Variants in CYP4X1 observed in about 807,000 individuals in gnomAD.
CYP4X1 encodes cytochrome P450 family 4 subfamily X member 1, also known as cytochrome P450 4X1.
Under a neutral mutation model 57.9 loss-of-function variants are expected in CYP4X1, and 44 were observed. The observed-to-expected ratio is 0.76, with a 90% CI of 0.60 to 0.98. The LOEUF is 0.98. Among genes scored for constraint, CYP4X1 ranks in the 50% least tolerant of loss-of-function variants. The probability of loss-of-function intolerance (pLI) is 0.00; values close to 1 mark genes in which losing one functional copy is unlikely to be tolerated. For missense variants in CYP4X1, 532 were observed against 623.9 expected, an observed-to-expected ratio of 0.85 and a Z score of 1.57; for synonymous variants, 227 against 228.6, an observed-to-expected ratio of 0.99 and a Z score of 0.06.
chr1:47,054,263 G>C (rs1383243027), downstream of CYP4X1, among the ~76,000 whole-genome samples: 1 of 152,010 alleles, frequency 6.6e-6, no homozygotes, highest in African/African-American at 2.4e-5. Context: ...GCTCTGTTCT[G>C]TTCCATTGAT....
intron 10 of CYP4X1, 43 bp downstream of exon 10, chr1:47,048,672 C>A: frequency 6.5e-7 from 1 of 1,548,782 alleles, no homozygotes; most frequent in Non-Finnish European, 8.7e-7. Context: ...AGAACTAATG[C>A]TGTGCAAGTC....
the CYP4X1 span, among the ~76,000 whole-genome samples, chr1:46,980,739 G>A: frequency 6.6e-6 from 1 of 152,054 alleles, no homozygotes; most frequent in Non-Finnish European, 1.5e-5. Flanking sequence ...ATACTACAAG[G>A]CTACAGTAAA....
At chr1:46,997,438 T>C in the CYP4X1 span, among the ~76,000 whole-genome samples, 1 of 152,220 alleles carries the variant, frequency 6.6e-6, no homozygotes, top group African/African-American at 2.4e-5. Flanking sequence ...GTGTATCCAC[T>C]GTTTAGCTCC....
chr1:46,993,752 C>G, the CYP4X1 span, among the ~76,000 whole-genome samples: 1 of 152,142 alleles, frequency 6.6e-6, no homozygotes, highest in Admixed American at 6.5e-5. Context: ...CTGTTCATAT[C>G]CTTTGCCCAC....
the CYP4X1 span, chr1:46,994,343 A>G: frequency 2.0e-5 from 3 of 152,298 alleles, no homozygotes; most frequent in Non-Finnish European, 2.9e-5. Flanking sequence ...GCCTTGTAGT[A>G]TACTTTATGC....
chr1:46,977,063 T>G, the CYP4X1 span, among the ~76,000 whole-genome samples: 2 of 152,176 alleles, frequency 1.3e-5, no homozygotes, highest in Admixed American at 1.3e-4. Flanking sequence ...AGGGCACCTC[T>G]TCTCCTCCAA....
At chr1:46,965,258 T>A in the CYP4X1 span, among the ~76,000 whole-genome samples, 1 of 152,124 alleles carries the variant, frequency 6.6e-6, no homozygotes, top group African/African-American at 2.4e-5. Flanking sequence ...GCACCTACTT[T>A]CCTGCACCCA....
At chr1:46,961,837 G>A in the CYP4X1 span, 7 of 1,198,006 alleles carry the variant, frequency 5.8e-6, no homozygotes, top group African/African-American at 1.1e-4. Context: ...CTACTTAGTT[G>A]GTTATCCCAT....
chr1:46,967,846 G>C, the CYP4X1 span: 1 of 1,239,642 alleles, frequency 8.1e-7, no homozygotes, highest in Non-Finnish European at 1.1e-6. Flanking sequence ...CTCATTCATG[G>C]CAAATTTTTT....
downstream of CYP4X1, among the ~76,000 whole-genome samples, chr1:47,052,551 A>G (rs1310927874): frequency 6.6e-6 from 1 of 152,150 alleles, no homozygotes; most frequent in African/African-American, 2.4e-5. Context: ...GGCATTCACC[A>G]TGGTACTCTT....
At chr1:47,038,030 C>A (rs1448522626) in intron 6 of CYP4X1, among the ~76,000 whole-genome samples, 1 of 152,106 alleles carries the variant, frequency 6.6e-6, no homozygotes, top group East Asian at 1.9e-4. Flanking sequence ...ATTGATCTAT[C>A]TACCAATGTA....
the CYP4X1 span, chr1:47,003,117 C>T: frequency 6.6e-6 from 1 of 152,138 alleles, no homozygotes; most frequent in Non-Finnish European, 1.5e-5. Flanking sequence ...GAAATCTACC[C>T]ATTTCTGAAA....
chr1:47,034,551 CCT>C (rs1246301545), intron 4 of CYP4X1, among the ~76,000 whole-genome samples: 2 of 152,200 alleles, frequency 1.3e-5, no homozygotes, highest in Non-Finnish European at 1.5e-5. Context: ...CCCATACAAA[CCT>C]CTGTTACCAG....
At chr1:46,969,857 G>A in the CYP4X1 span, among the ~76,000 whole-genome samples, 1 of 152,186 alleles carries the variant, frequency 6.6e-6, no homozygotes, top group African/African-American at 2.4e-5. Context: ...GATTCTACTG[G>A]GTGTACAGAA....
intron 3 of CYP4X1, among the ~76,000 whole-genome samples, chr1:47,032,136 T>C (rs957189725): frequency 2.0e-5 from 3 of 152,204 alleles, no homozygotes; most frequent in Non-Finnish European, 4.4e-5. Flanking sequence ...CTTGGATGTT[T>C]TCCTTTCTTT....
the CYP4X1 span, among the ~76,000 whole-genome samples, chr1:46,964,732 T>G: frequency 6.6e-6 from 1 of 152,244 alleles, no homozygotes; most frequent in African/African-American, 2.4e-5. Flanking sequence ...GATCTCCAGC[T>G]GCATGCTGGG....
chr1:46,981,410 T>C, the CYP4X1 span, among the ~76,000 whole-genome samples: 1 of 152,052 alleles, frequency 6.6e-6, no homozygotes, highest in Non-Finnish European at 1.5e-5. Context: ...ATCAGAGAAA[T>C]GCAAATCAAA....
chr1:46,988,686 A>G, the CYP4X1 span, among the ~76,000 whole-genome samples: 577 of 152,300 alleles, frequency 3.8e-3, 5 homozygotes, highest in African/African-American at 0.013. Flanking sequence ...CTTATCCACC[A>G]TGATCAATTT....
chr1:46,998,091 G>T, the CYP4X1 span, among the ~76,000 whole-genome samples: 4 of 152,048 alleles, frequency 2.6e-5, no homozygotes, highest in African/African-American at 9.7e-5. Context: ...AGCTAATACA[G>T]TTTTGATTTA....
Sources: allele counts gnomAD v4.1 joint callset (sites outside exome capture counted in the v4.1 genomes callset), GRCh38; gene constraint gnomAD v4.1.1; transcripts MANE v1.5; gene names NCBI Gene and HGNC (gene_info 2026-07-23, HGNC 2026-07-21).